P4HTM: variants seen among roughly 807,000 people sequenced by gnomAD.
The protein encoded by P4HTM is transmembrane prolyl 4-hydroxylase.
In P4HTM, 33 loss-of-function variants were observed where a neutral mutation model predicts 55.3. The observed-to-expected ratio is 0.60, with a 90% CI of 0.45 to 0.80. The LOEUF is 0.80. P4HTM is among the 30% of genes least tolerant of loss of function. The pLI is 0.00. For synonymous variants in P4HTM, 272 were observed against 286.4 expected (o/e 0.95, Z 0.51); for missense variants, 542 against 696.5 (o/e 0.78, Z 2.50).
intron 6 of P4HTM, chr3:49,005,296 C>T: frequency 6.9e-7 from 1 of 1,442,482 alleles, no homozygotes; most frequent in Non-Finnish European, 9.1e-7. Context: ...AAACTTGCCC[C>T]CTGAGTTCTG....
chr3:48,994,066 G>A (rs1359996770), intron 2 of P4HTM, among the ~76,000 whole-genome samples: 2 of 152,146 alleles, frequency 1.3e-5, no homozygotes, highest in East Asian at 1.9e-4. Context: ...ATGTGTGAGA[G>A]GGAAGAGGGT....
Position 48,990,384 on chromosome 3 carries a change from A to G in P4HTM, c.128A>G (p.Asp43Gly), listed in dbSNP as rs1559887806. ...QAAAGLGDGE[D>G]APVRPLCKPR... The stretch of plus-strand genomic sequence containing the variant: ...GCGGCCGGGCTGGGCGACGGCGAGG[A>G]CGCACCGGTGCGTCCGCTGTGCAAG... Residue 43 changes from aspartate (D) to glycine (G), a missense_variant, in exon 1 of 9, where the codon GAC (aspartate) becomes GGC (glycine). Physicochemically the swap from Asp to Gly is moderately conservative, Grantham distance 94. Coordinates refer to ENST00000383729, the MANE Select transcript of P4HTM (RefSeq NM_177939.3). This position sits in a 1 kb window ranked among gnomAD's most constrained non-coding sequence, Gnocchi z 7.2. 1.3e-6 allele frequency: 2 copies of G among 1,584,550 alleles called. No individual in the cohort carries two copies. The highest frequency in any genetic ancestry group is 1.1e-5 in the South Asian group (1 of 89,380).
At chr3:49,006,450 C>T (rs965634075) in intron 8 of P4HTM, among the ~76,000 whole-genome samples, 1 of 152,218 alleles carries the variant, frequency 6.6e-6, no homozygotes, top group Non-Finnish European at 1.5e-5. Flanking sequence ...CCCTTGCTAA[C>T]CCAGGATGGG....
intron 2 of P4HTM, 189 bp downstream of exon 2, chr3:48,991,103 C>T: frequency 3.5e-6 from 2 of 577,448 alleles, no homozygotes; most frequent in Middle Eastern, 4.2e-4. Context: ...TCCCAACTCC[C>T]TGCAGTCCAT....
At chr3:48,992,751 C>T (rs1353384329) in intron 2 of P4HTM, among the ~76,000 whole-genome samples, 3 of 149,656 alleles carry the variant, frequency 2.0e-5, no homozygotes, top group African/African-American at 4.9e-5. Flanking sequence ...CTGCAACCTC[C>T]GCCTTCCGGG....
chr3:48,997,991 T>A (rs1054025691), intron 2 of P4HTM: 5 of 144,458 alleles, frequency 3.5e-5, no homozygotes, highest in Non-Finnish European at 6.1e-5. Context: ...CACTGGCCAG[T>A]GTGGTTGGGG....
At chr3:49,004,024 T>C in intron 4 of P4HTM, 74 bp from the exon 5 acceptor site, 1 of 1,425,488 alleles carries the variant, frequency 7.0e-7, no homozygotes, top group Admixed American at 2.1e-5. Flanking sequence ...TTGGGGTAGG[T>C]AGGGAAGTGC....
Position 49,006,006 on chromosome 3 carries a change from G to GCTGGC in P4HTM, c.1165-51_1165-47dup, listed in dbSNP as rs1183259329. The stretch of plus-strand genomic sequence containing the variant: ...GTTGGTTTCCCTTTGGTCACCCTTG[G>GCTGGC]CTGGCCTGGCCATAGAGTGGGGACA... On this transcript the variant is annotated intron_variant, in intron 7 of 8. Transcript: ENST00000383729. 5.1e-6 allele frequency: 8 copies of GCTGGC among 1,581,212 alleles called. No homozygotes were observed. In the East Asian group the frequency reaches 1.8e-4, roughly 36 times the overall value.
intron 5 of P4HTM, 178 bp from the exon 6 acceptor site, chr3:49,004,683 G>A: frequency 1.6e-6 from 1 of 637,836 alleles, no homozygotes; most frequent in Non-Finnish European, 2.8e-6. Context: ...TGAGGGAGAA[G>A]GATCATCATG....
rs1393167975 is a variant in P4HTM, at chr3:48,990,380, G to A, written c.124G>A (p.Glu42Lys). The change falls in exon 1 of 9, where the codon GAG (glutamate) becomes AAG (lysine). Residue 42 changes from glutamate to lysine, a missense_variant. By Grantham distance (56) the Glu-to-Lys change is moderately conservative (BLOSUM62 1). Coordinates refer to ENST00000383729, the MANE Select transcript of P4HTM (RefSeq NM_177939.3). This position sits in a 1 kb window ranked among gnomAD's most constrained non-coding sequence, Gnocchi z 7.2. Reference protein sequence around the residue: ...AQAAAGLGDGEDAPVRPLCKP... With the variant: ...AQAAAGLGDGKDAPVRPLCKP... ...GGCGGCGGCCGGGCTGGGCGACGGC[G>A]AGGACGCACCGGTGCGTCCGCTGTG... 1.3e-6 allele frequency: 2 copies of A among 1,587,038 alleles called. No individual in the cohort carries two copies. The highest frequency in any genetic ancestry group is 2.3e-5 in the East Asian group (1 of 43,678).
chr3:48,990,078 A>T (rs2092925779), upstream of P4HTM: 1 of 391,314 alleles, frequency 2.6e-6, no homozygotes. The surrounding 1 kb of genome is among the most constrained non-coding windows in gnomAD (Gnocchi z 7.2). Context: ...GCTGGGGCTC[A>T]AGGCGCAGGA....
intron 4 of P4HTM, chr3:49,003,744 G>T (rs1259437624): frequency 5.0e-6 from 1 of 201,898 alleles, no homozygotes; most frequent in Non-Finnish European, 9.9e-6. Context: ...CCGGAGAGTG[G>T]CCACCACTCT....
intron 2 of P4HTM, 174 bp from the exon 3 acceptor site, chr3:49,001,264 G>A (rs2092960264): frequency 1.5e-6 from 1 of 656,732 alleles, no homozygotes; most frequent in African/African-American, 1.8e-5. Flanking sequence ...AGCCTTTGCA[G>A]GACAACTCAA....
intron 2 of P4HTM, among the ~76,000 whole-genome samples, chr3:48,993,301 C>CA (rs11312212): frequency 6.8e-4 from 84 of 122,836 alleles, no homozygotes; most frequent in African/African-American, 1.8e-3. Context: ...AACTCCATCT[C>CA]AAAAAAAAAA....
intron 6 of P4HTM, chr3:49,005,299 G>A (rs2092973987): frequency 6.9e-7 from 1 of 1,440,270 alleles, no homozygotes. Context: ...CTTGCCCCCT[G>A]AGTTCTGAAG....
At chr3:48,996,318 C>G (rs979822241) in intron 2 of P4HTM, 2 of 152,238 alleles carry the variant, frequency 1.3e-5, no homozygotes, top group East Asian at 3.9e-4. Flanking sequence ...TATGGCCAGG[C>G]TGGAGTGCAG....
Position 48,990,706 on chromosome 3 carries a change from T to A in P4HTM, c.354+96T>A. 1.4e-6 allele frequency: 2 copies of A among 1,457,774 alleles called. No individual in the cohort carries two copies. The highest frequency in any genetic ancestry group is 1.8e-6 in the Non-Finnish European group (2 of 1,088,728). The allele number at this position is 1,457,774 out of a possible 1,614,324, so 90.3% of individuals were successfully genotyped here. A position where few individuals can be genotyped will look rare whatever the true frequency, so the allele number is the denominator to read the frequency against. ...CGGGTCCCCACGCTGCCCCCGGCGC[T>A]GCTCTGCGTCGGTCCCGCGCGCTCC... On this transcript the variant is annotated intron_variant, in intron 1 of 8. Transcript: ENST00000383729. This position sits in a 1 kb window ranked among gnomAD's most constrained non-coding sequence, Gnocchi z 7.2.
intron 7 of P4HTM, 94 bp from the exon 8 acceptor site, chr3:49,005,970 G>C (rs888139464): frequency 2.6e-6 from 4 of 1,550,120 alleles, no homozygotes; most frequent in Non-Finnish European, 3.5e-6. Flanking sequence ...ATTATTCCTT[G>C]GGCATATCTG....
intron 2 of P4HTM, 101 bp downstream of exon 2, chr3:48,991,015 C>A: frequency 1.2e-6 from 1 of 849,628 alleles, no homozygotes; most frequent in Non-Finnish European, 1.9e-6. Flanking sequence ...AAAATGGCTG[C>A]TTCAGAGCAG....
Sources: gnomAD v4.1 joint callset for allele counts (sites outside exome capture counted in the v4.1 genomes callset) on GRCh38, gnomAD v4.1.1 for gene constraint, Gnocchi (gnomAD v3.1) non-coding constraint, MANE v1.5 for transcripts, NCBI Gene and HGNC (gene_info 2026-07-23, HGNC 2026-07-21) for gene names.